The following KIF1A variants were observed in gnomAD, a reference collection of about 807,000 sequenced individuals.
KIF1A encodes kinesin family member 1A, also known as kinesin-like protein KIF1A.
Under a neutral mutation model 227.3 loss-of-function variants are expected in KIF1A, and 46 were observed. The ratio of observed to expected loss-of-function variants is 0.20; its 90% CI spans 0.16 to 0.26. The LOEUF (loss-of-function observed/expected upper bound fraction) is 0.26. Ranked by LOEUF, KIF1A falls within the 10% of genes least tolerant of loss-of-function variation. KIF1A has a pLI of 1.00. For missense variants in KIF1A, 1,683 were observed against 2,485.9 expected, an observed-to-expected ratio of 0.68 and a Z score of 6.87; for synonymous variants, 1,022 against 1,012.8, an observed-to-expected ratio of 1.01 and a Z score of -0.17.
chr2:240,785,472 A>T (rs1575629553), intron 6 of KIF1A, among the ~76,000 whole-genome samples: 1 of 152,286 alleles, frequency 6.6e-6, no homozygotes, highest in East Asian at 1.9e-4. Flanking sequence ...ACCACGGCCC[A>T]CACCCGCGGC....
intron 31 of KIF1A, 81 bp downstream of exon 31, chr2:240,745,657 C>T (rs2048507564): frequency 1.9e-6 from 3 of 1,545,108 alleles, no homozygotes; most frequent in Admixed American, 3.8e-5. Flanking sequence ...ATGGCCTGCT[C>T]CCTGCCCAGC....
chr2:240,725,456 G>T lies in KIF1A; in HGVS notation c.4123-52C>A. The T allele has an allele frequency of 6.3e-7, 1 of 1,596,574 alleles. No homozygotes were observed. The highest frequency in any genetic ancestry group is 1.3e-5 in the African/African-American group (1 of 74,702). ...GCACAAGGACACCCCGAGTGCCCAGGTGCCCTTCCAGCCTTCTCCTGGGGG... is the reference window on the plus strand; with the variant it reads ...GCACAAGGACACCCCGAGTGCCCAGTTGCCCTTCCAGCCTTCTCCTGGGGG... On this transcript the variant is annotated intron_variant, in intron 39 of 48. Coordinates refer to ENST00000498729, the MANE Select transcript of KIF1A (RefSeq NM_001244008.2). This position sits in a 1 kb window ranked among gnomAD's most constrained non-coding sequence, Gnocchi z 5.8.
In KIF1A at chr2:240,757,195, C is replaced by T. The variant is rs1163442649; in HGVS notation, c.2858+124G>A. 1 of 994,334 alleles carries T rather than the reference C, an allele frequency of 1.0e-6. No homozygotes were observed. The highest frequency in any genetic ancestry group is 1.5e-6 in the Non-Finnish European group (1 of 672,096). 61.6% of individuals were successfully genotyped at this position (994,334 alleles called of 1,614,324 possible). On this transcript the variant is annotated intron_variant, in intron 27 of 48. Coordinates refer to ENST00000498729, the MANE Select transcript of KIF1A (RefSeq NM_001244008.2). The surrounding 1 kb of genome is among the most constrained non-coding windows in gnomAD (Gnocchi z 6.2). ...TGCTCTCCTCAGGAGGCCAGCCCCT[C>T]CACCTGCCTCGCCTGCCCTGGGAGG...
At chr2:240,751,869 G>A (rs778453783) in intron 27 of KIF1A, among the ~76,000 whole-genome samples, 1 of 152,086 alleles carries the variant, frequency 6.6e-6, no homozygotes, top group Admixed American at 6.5e-5. Context: ...CTCATCTGCG[G>A]CCTCAAGCCT....
intron 6 of KIF1A, among the ~76,000 whole-genome samples, chr2:240,785,475 C>A: frequency 6.6e-6 from 1 of 152,236 alleles, no homozygotes; most frequent in East Asian, 1.9e-4. Flanking sequence ...ACGGCCCACA[C>A]CCGCGGCTCT....
intron 1 of KIF1A, among the ~76,000 whole-genome samples, chr2:240,811,287 C>T (rs1200268443): frequency 1.3e-5 from 2 of 152,152 alleles, no homozygotes; most frequent in Non-Finnish European, 2.9e-5. Context: ...ATCACTTGAA[C>T]CCGGGAAGCA....
chr2:240,734,589 C>T (rs549355928), intron 38 of KIF1A: 86 of 498,896 alleles, frequency 1.7e-4, no homozygotes, highest in African/African-American at 1.7e-3. Flanking sequence ...GACAGGTGAG[C>T]ACGTGTGTGA....
intron 19 of KIF1A, 34 bp from the exon 20 acceptor site, chr2:240,765,827 C>T: frequency 6.5e-7 from 1 of 1,527,494 alleles, no homozygotes; most frequent in South Asian, 1.1e-5. Context: ...GAGAGGAGGA[C>T]TATGAGGGGC....
chr2:240,740,258 G>A lies in KIF1A; in HGVS notation c.3816+40C>T, dbSNP rs2047803862. ...GAGGCTCACACCTGGTGGGGTGGGG[G>A]AGGGGACACAGGCAGGGTAGGGGCA... On this transcript the variant is annotated intron_variant, in intron 36 of 48. Transcript: ENST00000498729. This position sits in a 1 kb window ranked among gnomAD's most constrained non-coding sequence, Gnocchi z 6.1. 6.3e-7 allele frequency: 1 copy of A among 1,581,212 alleles called. No homozygotes were observed. Among genetic ancestry groups the A allele is most frequent in the South Asian group, 1.1e-5 (1 of 89,638 alleles).
At chr2:240,811,937 G>T (rs2057897838) in intron 1 of KIF1A, among the ~76,000 whole-genome samples, 2 of 152,142 alleles carry the variant, frequency 1.3e-5, no homozygotes, top group Admixed American at 1.3e-4. Flanking sequence ...GGGAAAGAGG[G>T]CTGGGGGATG....
Position 240,736,075 on chromosome 2 carries a change from C to T in KIF1A, c.4007+988G>A, listed in dbSNP as rs766316744. ...CCCTCCTTACTGCAGTGCTAAGCCC[C>T]GATAGCCCACTTTCTGGGTGTTGCT... On this transcript the variant is annotated intron_variant, in intron 38 of 48. Transcript: ENST00000498729. The surrounding 1 kb of genome is among the most constrained non-coding windows in gnomAD (Gnocchi z 4.7). 3.3e-5 allele frequency among the ~76,000 whole-genome samples: 5 copies of T among 151,936 alleles called. No individual in the cohort carries two copies. Among genetic ancestry groups the T allele is most frequent in the Admixed American group, 6.5e-5 (1 of 15,276 alleles).
rs531275804 is a variant in KIF1A, at chr2:240,747,466, G to A, written c.2978-145C>T. On this transcript the variant is annotated intron_variant, in intron 28 of 48. Coordinates refer to ENST00000498729, the MANE Select transcript of KIF1A (RefSeq NM_001244008.2). ...AGACCCCTGACCGAATCTGCCACCC[G>A]TGGCTCAGTGACAACCAGGGCATGT... 481 of 625,850 alleles carry A rather than the reference G, an allele frequency of 7.7e-4. 2 individuals carry two copies. Among genetic ancestry groups the A allele is most frequent in the Non-Finnish European group, 1.2e-3 (436 of 358,986 alleles). The allele number at this position is 625,850 out of a possible 1,614,324, so 38.8% of individuals were successfully genotyped here.
intron 45 of KIF1A, chr2:240,720,146 C>T (rs1314046210): frequency 4.6e-6 from 2 of 437,858 alleles, no homozygotes; most frequent in Non-Finnish European, 7.9e-6. Context: ...TGGGCAGGGT[C>T]CCCCAGGAAC....
intron 34 of KIF1A, among the ~76,000 whole-genome samples, chr2:240,741,931 C>T (rs1003995621): frequency 1.3e-5 from 2 of 152,248 alleles, no homozygotes; most frequent in Admixed American, 1.3e-4. Flanking sequence ...CTGTCTACCA[C>T]TCCCTTCTCT....
At chr2:240,785,202 T>A in intron 6 of KIF1A, 102 bp from the exon 7 acceptor site, 1 of 947,536 alleles carries the variant, frequency 1.1e-6, no homozygotes, top group South Asian at 1.5e-5. Flanking sequence ...GGGGGGGCAG[T>A]TCCCCCAGAC....
At position 240,761,346 on chromosome 2, in the gene KIF1A, C is replaced by A; in HGVS notation, c.2148G>T (p.Ala716=). The change falls in exon 24 of 49, where the codon GCG becomes GCT. Residue 716 remains alanine (A), a synonymous_variant. Transcript: ENST00000498729. ...ACTTCCACTTCCGGAAGGCCCAGAG[C>A]GCCAGCTCACACTCCCGCTCTGTCC... The part of the protein sequence containing the change: ...VQWTERECEL[A]LWAFRKWKWY... The A allele has an allele frequency of 6.2e-7, 1 of 1,613,016 alleles. No individual in the cohort carries two copies. The highest frequency in any genetic ancestry group is 8.5e-7 in the Non-Finnish European group (1 of 1,179,396).
chr2:240,732,121 A>AGGGGAGGG (rs2046741023), intron 38 of KIF1A, among the ~76,000 whole-genome samples: 1 of 7,744 alleles, frequency 1.3e-4, no homozygotes. Context: ...AGGAGGGATG[A>AGGGGAGGG]GGGGAGGGGA....
chr2:240,772,992 G>A, intron 13 of KIF1A, 122 bp downstream of exon 13: 7 of 1,082,072 alleles, frequency 6.5e-6, no homozygotes, highest in Non-Finnish European at 9.1e-6. Flanking sequence ...GTGTGGAGCT[G>A]CCACAGCCCA....
At position 240,775,903 on chromosome 2, in the gene KIF1A, A is replaced by G. The variant is rs1324310283; in HGVS notation, c.906T>C (p.Asp302=). Residue 302 remains aspartate (D), a synonymous_variant, in exon 11 of 49, where the codon GAT becomes GAC. Coordinates refer to ENST00000498729, the MANE Select transcript of KIF1A (RefSeq NM_001244008.2). The surrounding 1 kb of genome is among the most constrained non-coding windows in gnomAD (Gnocchi z 5.5). ...ACACGGAATCTCGGTACGGAATGAA[A>G]TCTGTCTTCTTCTTTTTCTTGTTCT... ...PNKNKKKKKT[D]FIPYRDSVLT... is the part of the protein sequence containing the mutation. 6.2e-7 allele frequency: 1 copy of G among 1,611,758 alleles called. No homozygotes were observed. Among genetic ancestry groups the G allele is most frequent in the Admixed American group, 1.7e-5 (1 of 60,030 alleles).
Sources: gnomAD v4.1 joint callset for allele counts (sites outside exome capture counted in the v4.1 genomes callset) on GRCh38, gnomAD v4.1.1 for gene constraint, Gnocchi (gnomAD v3.1) non-coding constraint, MANE v1.5 for transcripts, NCBI Gene and HGNC (gene_info 2026-07-23, HGNC 2026-07-21) for gene names.